Variants in SLC24A1 observed in about 807,000 individuals in gnomAD.
The protein encoded by SLC24A1 is sodium/potassium/calcium exchanger 1.
A neutral mutation model predicts 88.1 loss-of-function variants in SLC24A1; 52 were observed. The observed-to-expected ratio is 0.59, with a 90% CI of 0.47 to 0.74. The LOEUF is 0.74. SLC24A1 is among the 30% of genes least tolerant of loss of function. The probability of loss-of-function intolerance (pLI) is 0.00; values close to 1 mark genes in which losing one functional copy is unlikely to be tolerated. For synonymous variants in SLC24A1, 455 were observed against 498.0 expected (o/e 0.91, Z 1.15); for missense variants, 1,173 against 1,363.3 (o/e 0.86, Z 2.20).
rs1566968946 is a variant in SLC24A1, at chr15:65,654,521, A to G, written c.*442A>G. ...CCTTCCTGACCTCTGCCCCAAACAC[A>G]CGCTGCAATTTTGTCTCCTCCTTTT... On this transcript the variant is annotated 3_prime_UTR_variant, in exon 10 of 10. Transcript: ENST00000261892. 8.4e-7 allele frequency: 1 copy of G among 1,184,128 alleles called. No individual in the cohort carries two copies. The highest frequency in any genetic ancestry group is 1.1e-6 in the Non-Finnish European group (1 of 943,774). The allele number at this position is 1,184,128 out of a possible 1,614,324, so 73.4% of individuals were successfully genotyped here.
At position 65,636,786 on chromosome 15, in the gene SLC24A1, G is replaced by C. The variant is rs560879973; in HGVS notation, c.1891-1342G>C. On this transcript the variant is annotated intron_variant, in intron 2 of 9. Coordinates refer to ENST00000261892, the MANE Select transcript of SLC24A1 (RefSeq NM_004727.3). ...AGCTACTTGGGAGGCTGAGGCAGGA[G>C]AATCGCTTGAACCCAGGAGGGGGAG... is the stretch of plus-strand genomic sequence containing the variant. Among the ~76,000 whole-genome samples the C allele has an allele frequency of 2.6e-5, 4 of 151,976 alleles. No individual in the cohort carries two copies. The South Asian group carries it at 8.3e-4, about 32-fold the overall frequency.
At chr15:65,614,692 T>A (rs2074078407) in intron 2 of SLC24A1, among the ~76,000 whole-genome samples, 1 of 152,254 alleles carries the variant, frequency 6.6e-6, no homozygotes, top group Non-Finnish European at 1.5e-5. Flanking sequence ...GCTTTACACA[T>A]TTCCAATTCC....
At chr15:65,660,475 A>G, downstream of SLC24A1, 1 of 543,100 alleles carries the variant, frequency 1.8e-6, no homozygotes, top group East Asian at 2.9e-5. Context: ...CTGGCTAGGG[A>G]ATTCCTTCAC....
At chr15:65,659,242 A>G (rs751501770), downstream of SLC24A1, 2 of 150,544 alleles carry the variant, frequency 1.3e-5, no homozygotes, top group Non-Finnish European at 2.9e-5. Context: ...ATGATTGGCC[A>G]TTATTCTCCA....
chr15:65,624,796 G>T lies in SLC24A1; in HGVS notation c.716G>T (p.Arg239Ile). ...ATACTCGAAACCAACTCTCTTAAGA[G>T]AATAATGGAGGAAACCACCCCAACC... ...YKILETNSLK[R>I]IMEETTPTTL... The change falls in exon 2 of 10, where the codon AGA (arginine) becomes ATA (isoleucine). Residue 239 changes from arginine to isoleucine, a missense_variant. Physicochemically the swap from Arg to Ile is moderately conservative, Grantham distance 97 (BLOSUM62 -3). Transcript: ENST00000261892. 6.2e-7 allele frequency: 1 copy of T among 1,614,000 alleles called. No homozygotes were observed. The highest frequency in any genetic ancestry group is 2.2e-5 in the East Asian group (1 of 44,890).
chr15:65,645,589 T>C (rs2075275897), intron 5 of SLC24A1, 23 bp from the exon 6 acceptor site: 1 of 1,533,944 alleles, frequency 6.5e-7, no homozygotes, highest in Admixed American at 2.0e-5. Flanking sequence ...TCTTCTGATG[T>C]AACCCATGTT....
chr15:65,633,867 C>T (rs2074816368), intron 2 of SLC24A1, among the ~76,000 whole-genome samples: 1 of 152,096 alleles, frequency 6.6e-6, no homozygotes, highest in Non-Finnish European at 1.5e-5. Flanking sequence ...ACATGATGTG[C>T]TTTGCTCAGA....
downstream of SLC24A1, chr15:65,660,154 A>T (rs1285655787): frequency 1.5e-6 from 1 of 645,524 alleles, no homozygotes; most frequent in Non-Finnish European, 2.7e-6. Flanking sequence ...AAAGAATAAT[A>T]TTGGAGTGGT....
intron 2 of SLC24A1, among the ~76,000 whole-genome samples, chr15:65,635,446 C>CAAAAAAAAAAAAAAAAAAAAA (rs56960432): frequency 3.4e-5 from 2 of 58,352 alleles, no homozygotes; most frequent in Admixed American, 2.6e-4. Context: ...ACTCCGTCTC[C>CAAAAAAAAAAAAAAAAAAAAA]AAAAAAAAAA....
chr15:65,631,053 AAATG>A (rs1238972345), intron 2 of SLC24A1, among the ~76,000 whole-genome samples: 1 of 152,230 alleles, frequency 6.6e-6, no homozygotes, highest in Non-Finnish European at 1.5e-5. Flanking sequence ...GCAGATGACA[AAATG>A]AATGCATGAG....
rs1566944196 is a variant in SLC24A1 at position 65,622,099 on chromosome 15, G to T, written c.-127+7G>T. 6.6e-6 allele frequency: 1 copy of T among 152,212 alleles called. No homozygotes were observed. Among genetic ancestry groups the T allele is most frequent in the Non-Finnish European group, 1.5e-5 (1 of 68,056 alleles). 9.4% of individuals were successfully genotyped at this position (152,212 alleles called of 1,614,324 possible). On this transcript the variant is annotated splice_region_variant and intron_variant, in intron 1 of 9. Coordinates refer to ENST00000261892, the MANE Select transcript of SLC24A1 (RefSeq NM_004727.3). ...CAGATGTCAAGGTCTGAAGGTAAAT[G>T]ATGTAATTAGGTAGGAGGGATCAGC...
In SLC24A1 at chr15:65,654,784, C is replaced by T. The variant is rs1312221241; in HGVS notation, c.*705C>T. ...GCAATGGCGTGATCTCGGCACACCA[C>T]AACCTTCACCTCCCCGGTTCAAGCA... On this transcript the variant is annotated 3_prime_UTR_variant, in exon 10 of 10. Transcript: ENST00000261892. 3 of 1,047,640 alleles carry T rather than the reference C, an allele frequency of 2.9e-6. No individual in the cohort carries two copies. Among genetic ancestry groups the T allele is most frequent in the Admixed American group, 5.1e-5 (2 of 38,974 alleles). The allele number at this position is 1,047,640 out of a possible 1,614,324, so 64.9% of individuals were successfully genotyped here.
Position 65,624,812 on chromosome 15 carries a change from C to T in SLC24A1, c.732C>T (p.Thr244=). The T allele has an allele frequency of 6.2e-7, 1 of 1,613,970 alleles. No homozygotes were observed. The highest frequency in any genetic ancestry group is 8.5e-7 in the Non-Finnish European group (1 of 1,179,882). ...TNSLKRIMEE[T]TPTTLKGMFD... is the part of the protein sequence containing the mutation. Reference sequence around the variant, plus strand: ...CTCTTAAGAGAATAATGGAGGAAACCACCCCAACCACTCTCAAGGGAATGT... The same window carrying T: ...CTCTTAAGAGAATAATGGAGGAAACTACCCCAACCACTCTCAAGGGAATGT... The change falls in exon 2 of 10, where the codon ACC becomes ACT. Residue 244 remains threonine, a synonymous_variant. Transcript: ENST00000261892.
upstream of SLC24A1, among the ~76,000 whole-genome samples, chr15:65,619,206 T>C (rs1376822991): frequency 3.3e-5 from 5 of 152,178 alleles, no homozygotes; most frequent in Non-Finnish European, 7.3e-5. Context: ...CTAACAGCAG[T>C]TCCATAAGGA....
At chr15:65,626,502 G>A (rs1021110099) in intron 2 of SLC24A1, among the ~76,000 whole-genome samples, 1 of 152,146 alleles carries the variant, frequency 6.6e-6, no homozygotes, top group African/African-American at 2.4e-5. Context: ...CGTCTGAGAA[G>A]GGGGAGGGTT....
intron 4 of SLC24A1, chr15:65,644,017 A>G: frequency 5.0e-6 from 1 of 198,218 alleles, no homozygotes; most frequent in Non-Finnish European, 1.0e-5. Flanking sequence ...CACAGACATT[A>G]CCAATCAATC....
chr15:65,649,164 A>G (rs61649279), intron 6 of SLC24A1, among the ~76,000 whole-genome samples: 9,558 of 152,198 alleles, frequency 0.063, 315 homozygotes, highest in African/African-American at 0.091. Context: ...AGTGCGTGAC[A>G]CAATCTCAGC....
downstream of SLC24A1, chr15:65,659,723 G>A (rs1351405136): frequency 6.5e-6 from 1 of 152,876 alleles, no homozygotes; most frequent in African/African-American, 2.4e-5. Context: ...GACTAAATCT[G>A]TGCAATAATA....
chr15:65,651,529 A>C (rs998649877), intron 7 of SLC24A1, 141 bp from the exon 8 acceptor site: 2 of 624,416 alleles, frequency 3.2e-6, no homozygotes, highest in Non-Finnish European at 5.9e-6. Flanking sequence ...CTGGAGAGAG[A>C]GCTCTCAGGT....
Sources: allele counts gnomAD v4.1 joint callset (sites outside exome capture counted in the v4.1 genomes callset), GRCh38; gene constraint gnomAD v4.1.1; transcripts MANE v1.5; gene names NCBI Gene and HGNC (gene_info 2026-07-23, HGNC 2026-07-21).